The following TNIK variants were observed in gnomAD, a reference collection of about 807,000 sequenced individuals.
TNIK encodes the protein TRAF2 and NCK-interacting protein kinase.
A neutral mutation model predicts 191.3 loss-of-function variants in TNIK; 49 were observed. The ratio of observed to expected loss-of-function variants is 0.26; its 90% CI spans 0.20 to 0.32. The LOEUF (loss-of-function observed/expected upper bound fraction) is 0.32. Among genes scored for constraint, TNIK ranks in the 10% least tolerant of loss-of-function variants. TNIK has a pLI of 1.00. For synonymous variants in TNIK, 594 were observed against 600.9 expected (o/e 0.99, Z 0.17); for missense variants, 1,155 against 1,702.3 (o/e 0.68, Z 5.66).
chr3:171,139,636 G>T, intron 13 of TNIK, 80 bp from the exon 14 acceptor site: 1 of 1,385,940 alleles, frequency 7.2e-7, no homozygotes, highest in Non-Finnish European at 1.0e-6. Context: ...GGCGACAAGA[G>T]CCGCTAAGTA....
chr3:171,216,279 AC>A (rs1328952937), intron 3 of TNIK, among the ~76,000 whole-genome samples: 1 of 152,244 alleles, frequency 6.6e-6, no homozygotes, highest in East Asian at 1.9e-4. Flanking sequence ...TATATAGCTG[AC>A]AAAAACTAAA....
intron 1 of TNIK, among the ~76,000 whole-genome samples, chr3:171,446,644 A>G (rs981442304): frequency 4.6e-5 from 7 of 152,194 alleles, no homozygotes; most frequent in African/African-American, 1.4e-4. Context: ...TATTTTCTCC[A>G]TTAGAATCTT....
intron 7 of TNIK, among the ~76,000 whole-genome samples, chr3:171,187,399 T>G (rs1336527044): frequency 6.6e-6 from 1 of 152,140 alleles, no homozygotes; most frequent in African/African-American, 2.4e-5. Flanking sequence ...AGGAGGAAAT[T>G]TATGGGAGAT....
chr3:171,323,646 C>T (rs1385726710), intron 2 of TNIK, among the ~76,000 whole-genome samples: 1 of 152,112 alleles, frequency 6.6e-6, no homozygotes, highest in Non-Finnish European at 1.5e-5. Flanking sequence ...TAAACACAGT[C>T]TGAAGGGTGG....
chr3:171,443,211 T>C (rs188182708), intron 1 of TNIK, among the ~76,000 whole-genome samples: 34 of 152,226 alleles, frequency 2.2e-4, no homozygotes, highest in Admixed American at 3.9e-4. Context: ...CATTCCAGAG[T>C]AAGACACCAG....
intron 1 of TNIK, among the ~76,000 whole-genome samples, chr3:171,430,594 G>T (rs1302787556): frequency 6.8e-6 from 1 of 147,774 alleles, no homozygotes; most frequent in Non-Finnish European, 1.5e-5. Flanking sequence ...AACTAAGATT[G>T]TGCCACTGCA....
chr3:171,359,525 A>C (rs1714659176), intron 2 of TNIK, among the ~76,000 whole-genome samples: 1 of 152,182 alleles, frequency 6.6e-6, no homozygotes, highest in African/African-American at 2.4e-5. Flanking sequence ...TCTCCTTGCA[A>C]AGTGAGCAAC....
intron 2 of TNIK, among the ~76,000 whole-genome samples, chr3:171,292,339 T>A (rs1436102909): frequency 1.3e-5 from 2 of 152,230 alleles, no homozygotes; most frequent in Non-Finnish European, 2.9e-5. Context: ...ATTCTATTAT[T>A]TTCCTTTGAA....
intron 1 of TNIK, among the ~76,000 whole-genome samples, chr3:171,443,232 A>G (rs1215283673): frequency 6.6e-6 from 1 of 152,078 alleles, no homozygotes; most frequent in Non-Finnish European, 1.5e-5. Flanking sequence ...CAACAGAACC[A>G]CCTGGTTCCA....
At chr3:171,197,930 T>G (rs984194026) in intron 4 of TNIK, among the ~76,000 whole-genome samples, 2 of 152,108 alleles carry the variant, frequency 1.3e-5, no homozygotes, top group African/African-American at 4.8e-5. Context: ...CTCAAAAGAA[T>G]TGAAAACAGG....
chr3:171,149,476 A>T (rs1286680216), intron 12 of TNIK, among the ~76,000 whole-genome samples: 1 of 152,226 alleles, frequency 6.6e-6, no homozygotes, highest in East Asian at 1.9e-4. Flanking sequence ...ATGTCAGCCC[A>T]ACTCCCGCAC....
chr3:171,273,730 G>T (rs6794041), intron 2 of TNIK, among the ~76,000 whole-genome samples: 1 of 152,024 alleles, frequency 6.6e-6, no homozygotes, highest in East Asian at 1.9e-4. Context: ...CAAAAAACCC[G>T]ACCTTTTTAA....
intron 26 of TNIK, among the ~76,000 whole-genome samples, chr3:171,083,589 G>T (rs1295030480): frequency 1.3e-5 from 2 of 152,162 alleles, no homozygotes; most frequent in African/African-American, 4.8e-5. Context: ...AATGCAGATT[G>T]ATGTTTTAAA....
Position 171,084,218 on chromosome 3 carries a change from T to A in TNIK, c.3106A>T (p.Thr1036Ser), listed in dbSNP as rs760306368. The A allele has an allele frequency of 4.3e-6, 7 of 1,613,806 alleles. No homozygotes were observed. The South Asian group carries it at 6.6e-5, about 15-fold the overall frequency. ...NPTNIRPHSDTPEIRKYKKRF... is the reference protein window; with the variant it reads ...NPTNIRPHSDSPEIRKYKKRF... The stretch of plus-strand genomic sequence containing the variant: ...TTCTTGTATTTTCTGATTTCTGGTG[T>A]GTCGCTATGAGGCCGAATGTTGGTT... The change falls in exon 26 of 33, where the codon ACA (threonine) becomes TCA (serine). Residue 1036 changes from threonine (T) to serine (S), a missense_variant. Thr to Ser is a moderately conservative substitution (Grantham distance 58). This residue lies in a region of TNIK where 195 missense variants were observed against 415.4 expected (regional missense o/e 0.47). Coordinates refer to ENST00000436636, the MANE Select transcript of TNIK (RefSeq NM_015028.4).
At chr3:171,259,854 C>T (rs991411195) in intron 2 of TNIK, among the ~76,000 whole-genome samples, 3 of 152,158 alleles carry the variant, frequency 2.0e-5, no homozygotes, top group Non-Finnish European at 4.4e-5. Flanking sequence ...TCTTCTTGCC[C>T]TCATTTACTA....
intron 1 of TNIK, among the ~76,000 whole-genome samples, chr3:171,448,637 C>A (rs1410158603): frequency 2.8e-5 from 4 of 144,582 alleles, no homozygotes; most frequent in African/African-American, 1.0e-4. Flanking sequence ...GAGTGAAATT[C>A]CTGGGTCACA....
intron 15 of TNIK, among the ~76,000 whole-genome samples, chr3:171,130,580 A>C (rs1729108372): frequency 6.6e-6 from 1 of 152,260 alleles, no homozygotes; most frequent in Non-Finnish European, 1.5e-5. Context: ...ACCACAAAGA[A>C]GAAAAAGTCC....
intron 1 of TNIK, among the ~76,000 whole-genome samples, chr3:171,437,024 C>T (rs1726116661): frequency 6.6e-6 from 1 of 152,120 alleles, no homozygotes; most frequent in African/African-American, 2.4e-5. Flanking sequence ...TTTATTACTG[C>T]CCCCAAAGCC....
At chr3:171,368,709 A>C (rs911070715) in intron 2 of TNIK, among the ~76,000 whole-genome samples, 1 of 152,160 alleles carries the variant, frequency 6.6e-6, no homozygotes, top group East Asian at 1.9e-4. Context: ...TTCTATAATA[A>C]ATTTAATTAA....
Sources: allele counts gnomAD v4.1 joint callset (sites outside exome capture counted in the v4.1 genomes callset), GRCh38; gene constraint gnomAD v4.1.1; regional missense constraint gnomAD v4.1.1; transcripts MANE v1.5; gene names NCBI Gene and HGNC (gene_info 2026-07-23, HGNC 2026-07-21).